Variants in MLXIP observed in about 807,000 individuals in gnomAD.
MLXIP encodes the protein MLX-interacting protein.
A neutral mutation model predicts 87.2 loss-of-function variants in MLXIP; 30 were observed. That is an observed-to-expected ratio of 0.34 (90% CI 0.26 to 0.47). The LOEUF (loss-of-function observed/expected upper bound fraction) is 0.47, where lower values mean the gene tolerates loss of function less well. Ranked by LOEUF, MLXIP falls within the 20% of genes least tolerant of loss-of-function variation. The pLI is 1.00. For synonymous variants in MLXIP, 530 were observed against 514.0 expected (o/e 1.03, Z -0.42); for missense variants, 1,002 against 1,240.1 (o/e 0.81, Z 2.88).
rs140443309 is a variant in MLXIP, at chr12:122,138,571, G to T, written c.2384+20G>T. On this transcript the variant is annotated intron_variant, in intron 14 of 16. Transcript: ENST00000319080. ...CATCATGTGAGCTTCTGGGCCTTGG[G>T]GCTCCAACCAGGCACCCCATCCCGA... 1.2e-6 allele frequency: 2 copies of T among 1,602,156 alleles called. No homozygotes were observed. Among genetic ancestry groups the T allele is most frequent in the Non-Finnish European group, 1.7e-6 (2 of 1,175,222 alleles).
chr12:122,105,906 T>C (rs1256280807), intron 1 of MLXIP, among the ~76,000 whole-genome samples: 2 of 152,232 alleles, frequency 1.3e-5, no homozygotes, highest in African/African-American at 4.8e-5. Context: ...CTTTGATTCC[T>C]ATTCTGTCAT....
chr12:122,099,771 C>T (rs1417140560), intron 1 of MLXIP, among the ~76,000 whole-genome samples: 1 of 152,152 alleles, frequency 6.6e-6, no homozygotes, highest in Non-Finnish European at 1.5e-5. Flanking sequence ...AGGAATAGTC[C>T]TCATATCCAA....
chr12:122,112,969 G>A (rs1245702340), intron 1 of MLXIP, among the ~76,000 whole-genome samples: 2 of 110,690 alleles, frequency 1.8e-5, no homozygotes, highest in Non-Finnish European at 3.8e-5. Flanking sequence ...AAAAACAGAA[G>A]CATAAAAAAA....
intron 1 of MLXIP, among the ~76,000 whole-genome samples, chr12:122,093,071 G>C (rs1472317896): frequency 6.7e-6 from 1 of 149,034 alleles, no homozygotes; most frequent in Non-Finnish European, 1.5e-5. Context: ...GCATGTGTTG[G>C]TGTGTTTGCT....
intron 1 of MLXIP, among the ~76,000 whole-genome samples, chr12:122,101,255 G>A (rs1047071004): frequency 1.3e-5 from 2 of 152,046 alleles, no homozygotes; most frequent in African/African-American, 4.8e-5. Flanking sequence ...GCAGGATTCA[G>A]ACATTTTGGA....
intron 1 of MLXIP, among the ~76,000 whole-genome samples, chr12:122,113,426 C>T (rs1422067551): frequency 6.6e-6 from 1 of 151,854 alleles, no homozygotes; most frequent in Non-Finnish European, 1.5e-5. Flanking sequence ...TACCACCACA[C>T]CTGGCTAATT....
At chr12:122,101,134 A>T (rs1301758396) in intron 1 of MLXIP, among the ~76,000 whole-genome samples, 1 of 152,246 alleles carries the variant, frequency 6.6e-6, no homozygotes, top group African/African-American at 2.4e-5. Context: ...CTTTTTGCCA[A>T]TTATGAGATG....
intron 1 of MLXIP, among the ~76,000 whole-genome samples, chr12:122,082,503 G>A (rs1338492816): frequency 1.3e-5 from 2 of 152,206 alleles, no homozygotes; most frequent in African/African-American, 4.8e-5. Context: ...GCTAGTGCCT[G>A]GCAAGTAACA....
Position 122,142,395 on chromosome 12 carries a change from C to G in MLXIP, c.*583C>G, listed in dbSNP as rs934155625. The G allele has an allele frequency of 4.0e-6, 2 of 500,290 alleles. No individual in the cohort carries two copies. Among genetic ancestry groups the G allele is most frequent in the Non-Finnish European group, 3.9e-6 (1 of 258,154 alleles). 31.0% of individuals were successfully genotyped at this position (500,290 alleles called of 1,614,324 possible). A position where few individuals can be genotyped will look rare whatever the true frequency, so the allele number is the denominator to read the frequency against. On this transcript the variant is annotated 3_prime_UTR_variant, in exon 17 of 17. Transcript: ENST00000319080. ...ATGGCAGGCTGCCAGGGGGAAGTGC[C>G]TTCTTCAGAGGTCCTCCAGGACACA...
Position 122,084,164 on chromosome 12 carries a change from G to C in MLXIP, c.413+4898G>C, listed in dbSNP as rs1952132630. On this transcript the variant is annotated intron_variant, in intron 1 of 16. Coordinates refer to ENST00000319080, the MANE Select transcript of MLXIP (RefSeq NM_014938.6). ...CCAGATTGTGTGTGTGTGTGTGTGTGTGTGTGTGTGTGTGTGTGTGTGTGT... is the reference window on the plus strand; with the variant it reads ...CCAGATTGTGTGTGTGTGTGTGTGTCTGTGTGTGTGTGTGTGTGTGTGTGT... Among the ~76,000 whole-genome samples the C allele has an allele frequency of 2.0e-5, 3 of 151,188 alleles. No individual in the cohort carries two copies. The South Asian group carries it at 6.3e-4, about 32-fold the overall frequency.
Position 122,133,303 on chromosome 12 carries a change from G to T in MLXIP, c.1093-45G>T, listed in dbSNP as rs377252069. ...CAGTGTGCAGCGCTAGAAAGGAATTGTCTGACCCCAGCATTGCTTCCTGGC... is the reference window on the plus strand; with the variant it reads ...CAGTGTGCAGCGCTAGAAAGGAATTTTCTGACCCCAGCATTGCTTCCTGGC... On this transcript the variant is annotated intron_variant, in intron 8 of 16. Transcript: ENST00000319080. This position sits in a 1 kb window ranked among gnomAD's most constrained non-coding sequence, Gnocchi z 4.9. The T allele has an allele frequency of 4.6e-6, 7 of 1,519,348 alleles. No individual in the cohort carries two copies. The highest frequency in any genetic ancestry group is 6.2e-6 in the Non-Finnish European group (7 of 1,135,688). 94.1% of individuals were successfully genotyped at this position (1,519,348 alleles called of 1,614,324 possible).
Position 122,135,375 on chromosome 12 carries a change from G to C in MLXIP, c.1854+30G>C. On this transcript the variant is annotated intron_variant, in intron 10 of 16. Coordinates refer to ENST00000319080, the MANE Select transcript of MLXIP (RefSeq NM_014938.6). The surrounding 1 kb of genome is among the most constrained non-coding windows in gnomAD (Gnocchi z 5.3). The stretch of plus-strand genomic sequence containing the variant: ...GGAGGGCCCTAGGCAGACCTGCAGT[G>C]TCCTTCTCACCCCGGAGCACTCTGA... 1 of 1,605,186 alleles carries C rather than the reference G, an allele frequency of 6.2e-7. No homozygotes were observed. Among genetic ancestry groups the C allele is most frequent in the Non-Finnish European group, 8.5e-7 (1 of 1,175,040 alleles).
chr12:122,141,665 T>G (rs1335816937), intron 16 of MLXIP, 26 bp from the exon 17 acceptor site: 29 of 1,611,274 alleles, frequency 1.8e-5, no homozygotes, highest in Non-Finnish European at 2.4e-5. Context: ...TGTCACTGCC[T>G]GTGTCTGACC....
At chr12:122,140,447 C>A (rs1953177670) in intron 15 of MLXIP, among the ~76,000 whole-genome samples, 1 of 152,110 alleles carries the variant, frequency 6.6e-6, no homozygotes, top group Admixed American at 6.6e-5. Context: ...TAGGCACCCA[C>A]CACCACGCCC....
intron 1 of MLXIP, among the ~76,000 whole-genome samples, chr12:122,122,339 C>G (rs1190995244): frequency 6.6e-6 from 1 of 152,060 alleles, no homozygotes; most frequent in Non-Finnish European, 1.5e-5. Flanking sequence ...GGGCTGCCCT[C>G]CACTGCTGCA....
At chr12:122,139,098 G>A (rs61952926) in intron 15 of MLXIP, 160 bp downstream of exon 15, 41,983 of 728,988 alleles carry the variant, frequency 0.058, 1,318 homozygotes, top group Non-Finnish European at 0.066. Flanking sequence ...AGAGTGGTCC[G>A]GCCTGGCCTG....
intron 1 of MLXIP, among the ~76,000 whole-genome samples, chr12:122,112,180 T>G (rs1301168580): frequency 6.6e-6 from 1 of 152,158 alleles, no homozygotes; most frequent in Non-Finnish European, 1.5e-5. Flanking sequence ...CAAGCCCTGG[T>G]ATAGGTGAAG....
rs745373901 is a variant in MLXIP at position 122,133,381 on chromosome 12, G to C, written c.1126G>C (p.Val376Leu). Residue 376 changes from valine (V) to leucine (L), a missense_variant, in exon 9 of 17, where the codon GTG (valine) becomes CTG (leucine). Transcript: ENST00000319080. This position sits in a 1 kb window ranked among gnomAD's most constrained non-coding sequence, Gnocchi z 4.9. Reference protein sequence around the residue: ...SILPTTALPTVSLPDSLIAPP... With the variant: ...SILPTTALPTLSLPDSLIAPP... ...CCTGCCGACCACAGCCCTCCCCACT[G>C]TGAGCCTTCCTGACAGCCTCATCGC... The C allele has an allele frequency of 1.3e-6, 2 of 1,590,152 alleles. No homozygotes were observed. Among genetic ancestry groups the C allele is most frequent in the African/African-American group, 2.7e-5 (2 of 74,364 alleles).
rs560256647 is a variant in MLXIP, at chr12:122,142,016, C to T, written c.*204C>T. 1 of 736,772 alleles carries T rather than the reference C, an allele frequency of 1.4e-6. No homozygotes were observed. The highest frequency in any genetic ancestry group is 1.7e-5 in the South Asian group (1 of 57,246). 45.6% of individuals were successfully genotyped at this position (736,772 alleles called of 1,614,324 possible). ...ACAGCAATAGCCCGCCTTTGGGAAC[C>T]CCTTGCTGTGAACTCTCTCACTCAG... is the stretch of plus-strand genomic sequence containing the variant. On this transcript the variant is annotated 3_prime_UTR_variant, in exon 17 of 17. Coordinates refer to ENST00000319080, the MANE Select transcript of MLXIP (RefSeq NM_014938.6).
Sources: gnomAD v4.1 joint callset for allele counts (sites outside exome capture counted in the v4.1 genomes callset) on GRCh38, gnomAD v4.1.1 for gene constraint, Gnocchi (gnomAD v3.1) non-coding constraint, MANE v1.5 for transcripts, NCBI Gene and HGNC (gene_info 2026-07-23, HGNC 2026-07-21) for gene names.